The following LPP variants were observed in gnomAD, a reference collection of about 807,000 sequenced individuals.
LPP encodes the protein LIM domain containing preferred translocation partner in lipoma.
In LPP, 38 loss-of-function variants were observed where a neutral mutation model predicts 60.4. The observed-to-expected ratio is 0.63, with a 90% CI of 0.49 to 0.83. LPP has a LOEUF of 0.83. Ranked by LOEUF, LPP falls within the 40% of genes least tolerant of loss-of-function variation. The pLI is 0.00. For synonymous variants in LPP, 328 were observed against 290.8 expected (o/e 1.13, Z -1.30); for missense variants, 902 against 783.6 (o/e 1.15, Z -1.80).
chr3:188,424,664 T>C (rs1788801689), intron 4 of LPP, among the ~76,000 whole-genome samples: 1 of 152,180 alleles, frequency 6.6e-6, no homozygotes, highest in Non-Finnish European at 1.5e-5. Context: ...AAAGGGTCAT[T>C]CACATCCCTT....
chr3:188,841,299 GTCCTGACAACTTAAGCTCA>G (rs1759908499), intron 9 of LPP, among the ~76,000 whole-genome samples: 1 of 151,366 alleles, frequency 6.6e-6, no homozygotes, highest in African/African-American at 2.4e-5. Flanking sequence ...GTGGTACAGT[GTCCTGACAACTTAAGCTCA>G]TCCTGACAAC....
intron 3 of LPP, among the ~76,000 whole-genome samples, chr3:188,378,976 C>T (rs1288893470): frequency 1.3e-5 from 2 of 152,140 alleles, no homozygotes; most frequent in Non-Finnish European, 2.9e-5. Flanking sequence ...AGGGTGTGGG[C>T]AGGGCCACTG....
intron 9 of LPP, among the ~76,000 whole-genome samples, chr3:188,764,069 C>A (rs1193810763): frequency 6.6e-6 from 1 of 152,060 alleles, no homozygotes; most frequent in African/African-American, 2.4e-5. Context: ...TAATTATTAG[C>A]AAAATCAATG....
chr3:188,807,663 C>CTATGA (rs879600936), intron 9 of LPP, among the ~76,000 whole-genome samples: 3 of 152,056 alleles, frequency 2.0e-5, no homozygotes, highest in Non-Finnish European at 4.4e-5. Flanking sequence ...TTCTCTGTTA[C>CTATGA]TATGATTTTC....
intron 7 of LPP, among the ~76,000 whole-genome samples, chr3:188,690,916 G>C (rs114519738): frequency 6.6e-6 from 1 of 152,008 alleles, no homozygotes; most frequent in Non-Finnish European, 1.5e-5. Context: ...TTTTAAGTAG[G>C]TAATTATGGG....
At chr3:188,631,673 C>T (rs917509980) in intron 7 of LPP, among the ~76,000 whole-genome samples, 1 of 152,148 alleles carries the variant, frequency 6.6e-6, no homozygotes, top group Non-Finnish European at 1.5e-5. Flanking sequence ...AATTTCCATG[C>T]TGGGTGTTAT....
At chr3:188,232,452 C>A (rs1245561175) in intron 2 of LPP, among the ~76,000 whole-genome samples, 1 of 151,730 alleles carries the variant, frequency 6.6e-6, no homozygotes, top group East Asian at 1.9e-4. Flanking sequence ...GATTCTCCTG[C>A]CTTAGCCTCC....
rs1442166871 is a variant in LPP, at chr3:188,638,195, C to T, written c.1113+28351C>T. Among the ~76,000 whole-genome samples, 2 of 136,716 alleles carry T rather than the reference C, an allele frequency of 1.5e-5. 1 individual carries two copies. The highest frequency in any genetic ancestry group is 5.4e-5 in the African/African-American group (2 of 36,798). 89.7% of individuals were successfully genotyped at this position (136,716 alleles called of 152,430 possible). ...TCAAGTGGGCTTCATCCCTGGGATG[C>T]AAGGCTGGTTCAATATATGCAAATC... On this transcript the variant is annotated intron_variant, in intron 7 of 11. Transcript: ENST00000617246.
At chr3:188,856,753 C>T (rs556468121) in intron 9 of LPP, among the ~76,000 whole-genome samples, 11 of 152,082 alleles carry the variant, frequency 7.2e-5, no homozygotes, top group Non-Finnish European at 1.2e-4. Flanking sequence ...TGGTTAATAG[C>T]CTCTATTTAT....
chr3:188,566,573 C>T (rs538977372), intron 6 of LPP, among the ~76,000 whole-genome samples: 10 of 152,000 alleles, frequency 6.6e-5, no homozygotes, highest in African/African-American at 2.2e-4. Flanking sequence ...TCCCAACTCT[C>T]CCTCCAACAT....
At chr3:188,718,145 G>C (rs17671207) in intron 8 of LPP, among the ~76,000 whole-genome samples, 8,592 of 152,238 alleles carry the variant, frequency 0.056, 310 homozygotes, top group Non-Finnish European at 0.086. Flanking sequence ...TTTAAGCATT[G>C]ATTTGGAATC....
intron 1 of LPP, among the ~76,000 whole-genome samples, chr3:188,184,248 G>T (rs752372090): frequency 1.3e-4 from 20 of 152,190 alleles, no homozygotes; most frequent in Non-Finnish European, 2.4e-4. Context: ...ACTACTTCCA[G>T]CACCGAGAGT....
chr3:188,800,412 A>AT (rs1447436595), intron 9 of LPP, among the ~76,000 whole-genome samples: 7 of 151,616 alleles, frequency 4.6e-5, no homozygotes, highest in African/African-American at 1.2e-4. Flanking sequence ...CGCCCGGCTA[A>AT]TTTTTTGTAT....
chr3:188,162,411 G>A (rs763533726), intron 1 of LPP, among the ~76,000 whole-genome samples: 3 of 152,182 alleles, frequency 2.0e-5, no homozygotes, highest in Non-Finnish European at 4.4e-5. Flanking sequence ...ATCCCTGCAA[G>A]CCCTTTACAC....
chr3:188,787,392 C>A (rs1249987956), intron 9 of LPP, among the ~76,000 whole-genome samples: 1 of 151,768 alleles, frequency 6.6e-6, no homozygotes. Flanking sequence ...AAATTAAAAA[C>A]CCTTTGACAA....
At chr3:188,390,602 G>A (rs543664625) in intron 3 of LPP, among the ~76,000 whole-genome samples, 17 of 150,866 alleles carry the variant, frequency 1.1e-4, no homozygotes, top group Admixed American at 9.9e-4. Flanking sequence ...GGGTTTAGAC[G>A]TCTTACTAGA....
At chr3:188,736,990 G>C (rs1209991188) in intron 8 of LPP, among the ~76,000 whole-genome samples, 1 of 151,924 alleles carries the variant, frequency 6.6e-6, no homozygotes, top group Non-Finnish European at 1.5e-5. Context: ...CATTAAATTT[G>C]TATATTCAGT....
chr3:188,856,303 A>G lies in LPP; in HGVS notation c.1411-9897A>G, dbSNP rs796432351. On this transcript the variant is annotated intron_variant, in intron 9 of 11. Transcript: ENST00000617246. ...TGGCAAGAAAAATTACCTGCTGAAG[A>G]CAAAACAACAAAAACAAAATAATCT... Among the ~76,000 whole-genome samples, 21 of 152,364 alleles carry G rather than the reference A, an allele frequency of 1.4e-4. 1 individual carries two copies. The highest frequency in any genetic ancestry group is 5.0e-4 in the African/African-American group (21 of 41,594).
intron 1 of LPP, among the ~76,000 whole-genome samples, chr3:188,220,922 C>T (rs1715542970): frequency 6.6e-6 from 1 of 152,172 alleles, no homozygotes; most frequent in African/African-American, 2.4e-5. Flanking sequence ...CTCCCCTACC[C>T]TTGCTATGCT....
Sources: gnomAD v4.1 joint callset for allele counts (sites outside exome capture counted in the v4.1 genomes callset) on GRCh38, gnomAD v4.1.1 for gene constraint, MANE v1.5 for transcripts, NCBI Gene and HGNC (gene_info 2026-07-23, HGNC 2026-07-21) for gene names.